MCM10: variants seen among roughly 807,000 people sequenced by gnomAD.
MCM10 encodes protein MCM10 homolog.
A neutral mutation model predicts 109.9 loss-of-function variants in MCM10; 91 were observed. The observed-to-expected ratio is 0.83, with a 90% CI of 0.70 to 0.99. MCM10 has a LOEUF of 0.99. Ranked by LOEUF, MCM10 falls within the 50% of genes least tolerant of loss-of-function variation. The pLI, the probability that MCM10 is intolerant of heterozygous loss-of-function variation, is 0.00. For synonymous variants in MCM10, 380 were observed against 387.2 expected (o/e 0.98, Z 0.22); for missense variants, 1,077 against 1,061.2 (o/e 1.01, Z -0.21).
chr10:13,206,872 A>G (rs1029746097), intron 18 of MCM10, among the ~76,000 whole-genome samples: 1 of 151,608 alleles, frequency 6.6e-6, no homozygotes, highest in Non-Finnish European at 1.5e-5. Flanking sequence ...TGCCATGATC[A>G]TAGCCCATTG....
At position 13,198,688 on chromosome 10, in the gene MCM10, G is replaced by A; in HGVS notation, c.2120-1G>A. Reference sequence around the variant, plus strand: ...GCTAATGTTTGTTCCTTGTGCCCTAGCTGAGGATGAATTGGAGCCTGCCAG... The same window carrying A: ...GCTAATGTTTGTTCCTTGTGCCCTAACTGAGGATGAATTGGAGCCTGCCAG... On this transcript the variant is annotated splice_acceptor_variant, in intron 15 of 19. Coordinates refer to ENST00000378714, the MANE Select transcript of MCM10 (RefSeq NM_018518.5). LOFTEE classifies it high-confidence loss of function. The A allele has an allele frequency of 6.2e-7, 1 of 1,600,264 alleles. No individual in the cohort carries two copies. The highest frequency in any genetic ancestry group is 1.3e-5 in the African/African-American group (1 of 74,724).
At chr10:13,175,420 C>G (rs998892129) in intron 5 of MCM10, 90 bp from the exon 6 acceptor site, 15 of 1,131,760 alleles carry the variant, frequency 1.3e-5, no homozygotes, top group Middle Eastern at 2.0e-4. Context: ...GTCCCTATCT[C>G]AAAGGAACAA....
At chr10:13,204,415 T>C (rs574219857) in intron 18 of MCM10, 51 bp downstream of exon 18, 1 of 1,601,040 alleles carries the variant, frequency 6.2e-7, no homozygotes, top group South Asian at 1.1e-5. Flanking sequence ...TTTCATCTCT[T>C]TTTCCAGAGT....
chr10:13,187,607 C>A (rs1253450911), intron 9 of MCM10, among the ~76,000 whole-genome samples: 1 of 152,198 alleles, frequency 6.6e-6, no homozygotes, highest in African/African-American at 2.4e-5. Context: ...TTCTCCCTGT[C>A]CTCATCAGCA....
At chr10:13,191,517 T>A in intron 11 of MCM10, 118 bp downstream of exon 11, 1 of 716,628 alleles carries the variant, frequency 1.4e-6, no homozygotes, top group Non-Finnish European at 2.4e-6. Context: ...CACCAAAATC[T>A]CAGAAATCAC....
chr10:13,180,340 CT>C (rs1263115733), intron 6 of MCM10, 101 bp from the exon 7 acceptor site: 17 of 898,036 alleles, frequency 1.9e-5, no homozygotes, highest in Non-Finnish European at 1.3e-5. Flanking sequence ...AGAACAGGTA[CT>C]GTAGAGGTTT....
At chr10:13,186,054 G>A (rs1242026132) in intron 8 of MCM10, 110 bp from the exon 9 acceptor site, 17 of 659,572 alleles carry the variant, frequency 2.6e-5, no homozygotes, top group Middle Eastern at 2.8e-4. Context: ...GAGCCACTGC[G>A]CCTGGCAATA....
rs1834315985 is a variant in MCM10 at position 13,189,182 on chromosome 10, G to A, written c.1415+102G>A. ...TAACCGTCATAGGATACTTGTACAG[G>A]TTTTATCTTTCATAACTCACTACTT... On this transcript the variant is annotated intron_variant, in intron 10 of 19. Transcript: ENST00000378714. The A allele has an allele frequency of 3.1e-6, 4 of 1,281,696 alleles. No individual in the cohort carries two copies. The African/African-American group carries it at 4.4e-5, about 14-fold the overall frequency. 79.4% of individuals were successfully genotyped at this position (1,281,696 alleles called of 1,614,324 possible).
chr10:13,206,098 C>CTA (rs1365891628), intron 18 of MCM10, among the ~76,000 whole-genome samples: 1 of 152,190 alleles, frequency 6.6e-6, no homozygotes, highest in Non-Finnish European at 1.5e-5. Flanking sequence ...CTGTGATCCT[C>CTA]TTGTTAATTT....
intron 18 of MCM10, 137 bp downstream of exon 18, chr10:13,204,501 A>G (rs1023101719): frequency 3.3e-5 from 36 of 1,105,688 alleles, no homozygotes; most frequent in Admixed American, 7.6e-5. Context: ...CTTGGGACTC[A>G]AGCTGTTAAC....
intron 6 of MCM10, among the ~76,000 whole-genome samples, chr10:13,176,130 G>A (rs889399894): frequency 2.6e-5 from 4 of 151,986 alleles, no homozygotes; most frequent in African/African-American, 9.7e-5. Context: ...TAAATTTTAG[G>A]ATCATTTTTT....
At chr10:13,193,336 G>C (rs1202549462) in intron 13 of MCM10, among the ~76,000 whole-genome samples, 1 of 152,046 alleles carries the variant, frequency 6.6e-6, no homozygotes, top group Non-Finnish European at 1.5e-5. Context: ...AAATGCATAG[G>C]GTAGGTGGAC....
At chr10:13,195,473 C>G in intron 14 of MCM10, 1 of 477,728 alleles carries the variant, frequency 2.1e-6, no homozygotes, top group Non-Finnish European at 3.7e-6. Context: ...AAGAGGTAGC[C>G]TAGAGGAAGA....
intron 5 of MCM10, among the ~76,000 whole-genome samples, chr10:13,174,142 T>C (rs905843896): frequency 2.2e-5 from 3 of 137,016 alleles, no homozygotes; most frequent in African/African-American, 8.1e-5. Flanking sequence ...GGATTTTTTT[T>C]TTTTTTTTTT....
intron 5 of MCM10, among the ~76,000 whole-genome samples, chr10:13,175,022 G>C (rs1834122317): frequency 6.6e-6 from 1 of 152,116 alleles, no homozygotes; most frequent in Admixed American, 6.5e-5. Context: ...CAGCTACTTG[G>C]GAGGCTGAGG....
chr10:13,165,247 A>G (rs528581515), intron 2 of MCM10, among the ~76,000 whole-genome samples: 5 of 152,216 alleles, frequency 3.3e-5, no homozygotes, highest in African/African-American at 9.6e-5. Flanking sequence ...TACTGTAATA[A>G]AAGTTATGTG....
rs779393229 is a variant in MCM10 at position 13,192,532 on chromosome 10, A to G, written c.1709A>G (p.Glu570Gly). 40 of 1,614,066 alleles carry G rather than the reference A, an allele frequency of 2.5e-5. No individual in the cohort carries two copies. Among genetic ancestry groups the G allele is most frequent in the Non-Finnish European group, 3.1e-5 (37 of 1,180,046 alleles). Residue 570 changes from glutamate (E) to glycine (G), a missense_variant, in exon 13 of 20, where the codon GAG (glutamate) becomes GGG (glycine). Physicochemically the swap from Glu to Gly is moderately conservative, Grantham distance 98. Coordinates refer to ENST00000378714, the MANE Select transcript of MCM10 (RefSeq NM_018518.5). The stretch of plus-strand genomic sequence containing the variant: ...AAGCAACAGAAGCAGCGGATGTTGG[A>G]GATGAGGAGAAGGAAATCAGAAGAA... ...LLKQQKQRMLEMRRRKSEEIQ... is the reference protein window; with the variant it reads ...LLKQQKQRMLGMRRRKSEEIQ...
intron 9 of MCM10, among the ~76,000 whole-genome samples, chr10:13,187,287 C>G (rs750070729): frequency 2.0e-5 from 3 of 152,178 alleles, no homozygotes; most frequent in African/African-American, 7.2e-5. Context: ...ACAATTGATC[C>G]GTGCTGTAGC....
chr10:13,182,933 G>T lies in MCM10; in HGVS notation c.931G>T (p.Gly311Ter). 3 of 1,610,490 alleles carry T rather than the reference G, an allele frequency of 1.9e-6. No homozygotes were observed. Among genetic ancestry groups the T allele is most frequent in the Non-Finnish European group, 2.5e-6 (3 of 1,178,028 alleles). Reference protein sequence around the residue: ...KKVTPQSVNSGKTFSIWKLND... With the variant: ...KKVTPQSVNS Reference sequence around the variant, plus strand: ...TATAAAAAATAACTATTTGTTCCAGGGAAAAACCTTCAGCATATGGAAACT... The same window carrying T: ...TATAAAAAATAACTATTTGTTCCAGTGAAAAACCTTCAGCATATGGAAACT... The change falls in exon 8 of 20, where the codon GGA (glycine) becomes TGA (stop). Residue 311 changes from glycine (G) to a stop codon, truncating the protein, a stop_gained and splice_region_variant. Coordinates refer to ENST00000378714, the MANE Select transcript of MCM10 (RefSeq NM_018518.5). LOFTEE classifies it high-confidence loss of function. The surrounding 1 kb of genome is among the most constrained non-coding windows in gnomAD (Gnocchi z 4.2).
Sources: gnomAD v4.1 joint callset for allele counts (sites outside exome capture counted in the v4.1 genomes callset) on GRCh38, gnomAD v4.1.1 for gene constraint, Gnocchi (gnomAD v3.1) non-coding constraint, MANE v1.5 for transcripts, NCBI Gene and HGNC (gene_info 2026-07-23, HGNC 2026-07-21) for gene names.